TRIO: variants seen among roughly 807,000 people sequenced by gnomAD.
The protein encoded by TRIO is trio Rho guanine nucleotide exchange factor, also known as triple functional domain protein.
Under a neutral mutation model 351.9 loss-of-function variants are expected in TRIO, and 58 were observed. The ratio of observed to expected loss-of-function variants is 0.16; its 90% CI spans 0.13 to 0.21. The LOEUF is 0.21. TRIO is among the 10% of genes least tolerant of loss of function. The pLI is 1.00. For synonymous variants in TRIO, 1,758 were observed against 1,595.7 expected, an observed-to-expected ratio of 1.10 and a Z score of -2.42; for missense variants, 3,201 against 4,027.8, an observed-to-expected ratio of 0.79 and a Z score of 5.56.
chr5:14,350,577 C>T (rs1579398755), intron 11 of TRIO, among the ~76,000 whole-genome samples: 2 of 152,140 alleles, frequency 1.3e-5, no homozygotes, highest in South Asian at 2.1e-4. Flanking sequence ...TACTCAGTCT[C>T]GCACCTCTGC....
At chr5:14,446,507 G>A (rs1246753004) in intron 34 of TRIO, among the ~76,000 whole-genome samples, 1 of 152,168 alleles carries the variant, frequency 6.6e-6, no homozygotes, top group East Asian at 1.9e-4. Context: ...AGGGGGAAGA[G>A]AGGGGGACAA....
At chr5:14,364,333 T>C (rs1331474132) in intron 14 of TRIO, among the ~76,000 whole-genome samples, 1 of 152,146 alleles carries the variant, frequency 6.6e-6, no homozygotes, top group Non-Finnish European at 1.5e-5. Context: ...TTTACACAAA[T>C]TAAATGCTTA....
At chr5:14,160,169 C>T (rs1788366672) in intron 1 of TRIO, among the ~76,000 whole-genome samples, 1 of 152,166 alleles carries the variant, frequency 6.6e-6, no homozygotes, top group South Asian at 2.1e-4. Context: ...GTTTTGAAAC[C>T]TTCTCGCCAG....
intron 34 of TRIO, among the ~76,000 whole-genome samples, chr5:14,458,765 C>G (rs960855062): frequency 1.3e-5 from 2 of 152,184 alleles, no homozygotes; most frequent in African/African-American, 4.8e-5. Context: ...TCCAAACCTG[C>G]CCCTTCTCTT....
At chr5:14,443,647 G>A (rs1752230070) in intron 34 of TRIO, among the ~76,000 whole-genome samples, 1 of 152,220 alleles carries the variant, frequency 6.6e-6, no homozygotes, top group Non-Finnish European at 1.5e-5. Context: ...CCTGCTTCCT[G>A]AAGTTCATTG....
chr5:14,354,608 G>A (rs1487520442), intron 11 of TRIO, among the ~76,000 whole-genome samples: 2 of 152,248 alleles, frequency 1.3e-5, no homozygotes, highest in Non-Finnish European at 2.9e-5. Flanking sequence ...CTGCAGGATT[G>A]TAGAGTGTCA....
At chr5:14,278,907 C>T (rs1194748594) in intron 2 of TRIO, among the ~76,000 whole-genome samples, 1 of 152,178 alleles carries the variant, frequency 6.6e-6, no homozygotes, top group African/African-American at 2.4e-5. Context: ...TTCGAAAGAT[C>T]ATGCAATTTT....
intron 36 of TRIO, among the ~76,000 whole-genome samples, chr5:14,463,771 C>G (rs1026655753): frequency 2.6e-5 from 4 of 151,594 alleles, no homozygotes; most frequent in Non-Finnish European, 5.9e-5. Context: ...TCCCTGACTT[C>G]CTTGTCAGTA....
At chr5:14,330,138 G>A (rs1740776138) in intron 9 of TRIO, among the ~76,000 whole-genome samples, 1 of 152,198 alleles carries the variant, frequency 6.6e-6, no homozygotes, top group African/African-American at 2.4e-5. Flanking sequence ...TAAAACATAA[G>A]ATTATACTGC....
At chr5:14,413,817 C>T (rs1749402965) in intron 33 of TRIO, among the ~76,000 whole-genome samples, 1 of 152,136 alleles carries the variant, frequency 6.6e-6, no homozygotes, top group Admixed American at 6.5e-5. Context: ...GTAAATTTTA[C>T]ACAACATGAT....
At chr5:14,318,903 C>T (rs1359457802) in intron 9 of TRIO, among the ~76,000 whole-genome samples, 2 of 152,200 alleles carry the variant, frequency 1.3e-5, no homozygotes, top group Non-Finnish European at 2.9e-5. Flanking sequence ...GAGGCAGCAG[C>T]AGCAAGGGCA....
intron 1 of TRIO, among the ~76,000 whole-genome samples, chr5:14,206,892 T>A (rs2152183762): frequency 6.6e-6 from 1 of 152,348 alleles, no homozygotes; most frequent in Non-Finnish European, 1.5e-5. Context: ...TATATAATCA[T>A]GTTACATATG....
intron 1 of TRIO, chr5:14,183,868 G>T: frequency 1.7e-6 from 1 of 579,134 alleles, no homozygotes; most frequent in South Asian, 1.6e-5. Context: ...GTTAACCTTT[G>T]GCAGATAGTG....
intron 8 of TRIO, among the ~76,000 whole-genome samples, chr5:14,307,445 G>A (rs539419930): frequency 6.6e-6 from 1 of 152,306 alleles, no homozygotes; most frequent in East Asian, 1.9e-4. Context: ...CATACTTAAA[G>A]AGTACAGGCC....
chr5:14,343,274 ATG>A (rs1391493378), intron 11 of TRIO, among the ~76,000 whole-genome samples: 1 of 152,114 alleles, frequency 6.6e-6, no homozygotes, highest in Non-Finnish European at 1.5e-5. Context: ...GCCCATGTGT[ATG>A]TGTGTGTTTA....
intron 5 of TRIO, among the ~76,000 whole-genome samples, chr5:14,292,391 T>C (rs1193058038): frequency 6.6e-6 from 1 of 152,224 alleles, no homozygotes; most frequent in African/African-American, 2.4e-5. Context: ...ATCTATATTT[T>C]CTTAAATGTT....
intron 55 of TRIO, among the ~76,000 whole-genome samples, chr5:14,505,281 C>A (rs374385866): frequency 6.6e-6 from 1 of 152,240 alleles, no homozygotes; most frequent in African/African-American, 2.4e-5. Context: ...AGGGAGCGGC[C>A]GGAGGCCAGG....
chr5:14,206,050 A>C (rs1791437811), intron 1 of TRIO, among the ~76,000 whole-genome samples: 1 of 151,634 alleles, frequency 6.6e-6, no homozygotes, highest in South Asian at 2.1e-4. Context: ...TTTTCATTTT[A>C]AAATGTACTT....
intron 3 of TRIO, among the ~76,000 whole-genome samples, chr5:14,285,803 A>C (rs1261868500): frequency 6.6e-6 from 1 of 152,126 alleles, no homozygotes; most frequent in African/African-American, 2.4e-5. Flanking sequence ...ATTTCCAAAA[A>C]AGACCTTGTA....
Sources: gnomAD v4.1 joint callset for allele counts (sites outside exome capture counted in the v4.1 genomes callset) on GRCh38, gnomAD v4.1.1 for gene constraint, MANE v1.5 for transcripts, NCBI Gene and HGNC (gene_info 2026-07-23, HGNC 2026-07-21) for gene names.